The following PDE7B variants were observed in gnomAD, a reference collection of about 807,000 sequenced individuals.
PDE7B encodes the protein 3',5'-cyclic-AMP phosphodiesterase 7B.
A neutral mutation model predicts 56.2 loss-of-function variants in PDE7B; 29 were observed. That is an observed-to-expected ratio of 0.52 (90% CI 0.38 to 0.70). The LOEUF (loss-of-function observed/expected upper bound fraction) is 0.70, where lower values mean the gene tolerates loss of function less well. PDE7B is among the 30% of genes least tolerant of loss of function. PDE7B has a pLI of 0.00. For synonymous variants in PDE7B, 197 were observed against 196.9 expected, an observed-to-expected ratio of 1.00 and a Z score of 0.00; for missense variants, 490 against 565.0, an observed-to-expected ratio of 0.87 and a Z score of 1.35.
Position 136,147,498 on chromosome 6 carries a change from C to T in PDE7B, c.314C>T (p.Ala105Val), listed in dbSNP as rs1405209772. 2 of 1,613,426 alleles carry T rather than the reference C, an allele frequency of 1.2e-6. No individual in the cohort carries two copies. Among genetic ancestry groups the T allele is most frequent in the Admixed American group, 3.3e-5 (2 of 59,950 alleles). ...HLLDEDYLGQ[A>V]RHMLSKVGMW... ...CTGGATGAAGACTACCTTGGACAAG[C>T]AAGGGTAAGCTGACTGCCCCATCTC... Residue 105 changes from alanine (A) to valine (V), a missense_variant, in exon 4 of 13, where the codon GCA becomes GTA. By Grantham distance (64) the Ala-to-Val change is moderately conservative. Transcript: ENST00000308191.
intron 8 of PDE7B, among the ~76,000 whole-genome samples, chr6:136,159,541 T>C (rs910660703): frequency 2.0e-5 from 3 of 152,166 alleles, no homozygotes; most frequent in African/African-American, 4.8e-5. Flanking sequence ...GGCCAAGGTC[T>C]TGTTTAGGGC....
chr6:136,037,541 GC>G (rs1234606219), intron 2 of PDE7B: 9 of 985,280 alleles, frequency 9.1e-6, no homozygotes, highest in South Asian at 4.7e-5. Context: ...TGGGCAAGGT[GC>G]CCCCCAACCC....
intron 3 of PDE7B, among the ~76,000 whole-genome samples, chr6:136,111,870 C>T (rs1777754578): frequency 6.6e-6 from 1 of 152,188 alleles, no homozygotes; most frequent in African/African-American, 2.4e-5. Flanking sequence ...GCACAGACCC[C>T]AAACTTCATT....
chr6:136,084,147 C>G (rs1047869046), intron 2 of PDE7B, among the ~76,000 whole-genome samples: 2 of 152,086 alleles, frequency 1.3e-5, no homozygotes, highest in Non-Finnish European at 2.9e-5. Flanking sequence ...CCCTAACTCT[C>G]CAAATTATTT....
intron 8 of PDE7B, among the ~76,000 whole-genome samples, chr6:136,159,987 G>A (rs1437219143): frequency 1.3e-5 from 2 of 152,162 alleles, no homozygotes; most frequent in Non-Finnish European, 2.9e-5. Context: ...CAAAGGGATT[G>A]TTTTGTTTTT....
rs1177587898 is a variant in PDE7B at position 136,047,664 on chromosome 6, A to G, written c.83-61067A>G. ...ACAAATACTGAACTTCTTATGCTAA[A>G]CAGTAAGCATCAACCAAATAGGTGT... On this transcript the variant is annotated intron_variant, in intron 2 of 12. Coordinates refer to ENST00000308191, the MANE Select transcript of PDE7B (RefSeq NM_018945.4). 2.6e-5 allele frequency among the ~76,000 whole-genome samples: 4 copies of G among 152,248 alleles called. No individual in the cohort carries two copies. In the East Asian group the frequency reaches 7.7e-4, roughly 29 times the overall value.
intron 1 of PDE7B, among the ~76,000 whole-genome samples, chr6:135,856,770 C>T (rs1200140175): frequency 6.6e-6 from 1 of 152,172 alleles, no homozygotes; most frequent in East Asian, 1.9e-4. Context: ...ACACAGACAT[C>T]TATTAAGCAA....
chr6:136,016,689 A>T (rs1458626191), intron 2 of PDE7B, among the ~76,000 whole-genome samples: 1 of 152,058 alleles, frequency 6.6e-6, no homozygotes, highest in Non-Finnish European at 1.5e-5. Flanking sequence ...ACCTCTCCCT[A>T]AGTATGGGGT....
At chr6:135,952,913 A>G (rs186514785) in intron 2 of PDE7B, among the ~76,000 whole-genome samples, 55 of 152,312 alleles carry the variant, frequency 3.6e-4, no homozygotes, top group Admixed American at 1.3e-3. Flanking sequence ...CGATTTAGTT[A>G]TAGCATATCA....
In PDE7B at chr6:135,851,821, G is replaced by A. The variant is rs1036038783; in HGVS notation, c.-178G>A. On this transcript the variant is annotated 5_prime_UTR_variant, in exon 1 of 13. In the 5' UTR this introduces an upstream ATG that the reference lacks. Coordinates refer to ENST00000308191, the MANE Select transcript of PDE7B (RefSeq NM_018945.4). The stretch of plus-strand genomic sequence containing the variant: ...CTTCCTTCTTTCTCGATCTCCTTGT[G>A]TGCTTTTGTGTTTCTTTATTTCTTT... 8.4e-6 allele frequency: 5 copies of A among 592,198 alleles called. No individual in the cohort carries two copies. Among genetic ancestry groups the A allele is most frequent in the East Asian group, 5.6e-5 (2 of 35,846 alleles). 36.7% of individuals were successfully genotyped at this position (592,198 alleles called of 1,614,324 possible). A position where few individuals can be genotyped will look rare whatever the true frequency, so the allele number is the denominator to read the frequency against.
At chr6:135,921,116 G>A (rs1774070942) in intron 1 of PDE7B, among the ~76,000 whole-genome samples, 1 of 152,070 alleles carries the variant, frequency 6.6e-6, no homozygotes, top group South Asian at 2.1e-4. Context: ...CAATATTTTG[G>A]TTTAGTGCCA....
chr6:135,922,149 C>G (rs554506360), intron 1 of PDE7B, among the ~76,000 whole-genome samples: 8 of 152,180 alleles, frequency 5.3e-5, no homozygotes, highest in Non-Finnish European at 1.0e-4. Context: ...CTTTTACCCT[C>G]CTGTAAACTG....
At chr6:135,922,555 A>G (rs926792815) in intron 1 of PDE7B, among the ~76,000 whole-genome samples, 2 of 152,124 alleles carry the variant, frequency 1.3e-5, no homozygotes, top group African/African-American at 4.8e-5. Context: ...GTTAATTACC[A>G]TATTGGAGAG....
chr6:136,008,246 G>A (rs1057493137), intron 2 of PDE7B, among the ~76,000 whole-genome samples: 3 of 152,004 alleles, frequency 2.0e-5, no homozygotes, highest in African/African-American at 7.3e-5. Flanking sequence ...TTGGACATTT[G>A]GGTTGGTTCC....
At chr6:135,913,930 T>C (rs551025773) in intron 1 of PDE7B, among the ~76,000 whole-genome samples, 52 of 152,362 alleles carry the variant, frequency 3.4e-4, no homozygotes, top group Middle Eastern at 3.4e-3. Context: ...GCCACTTTTT[T>C]TCTGTAACCC....
rs1185361648 is a variant in PDE7B at position 136,003,621 on chromosome 6, G to C, written c.82+56097G>C. ...ATCTAGAAGAAATGGATAAATTCCTGGACACATACACCCTCCCAAGACTAA... is the reference window on the plus strand; with the variant it reads ...ATCTAGAAGAAATGGATAAATTCCTCGACACATACACCCTCCCAAGACTAA... On this transcript the variant is annotated intron_variant, in intron 2 of 12. Coordinates refer to ENST00000308191, the MANE Select transcript of PDE7B (RefSeq NM_018945.4). 8.1e-5 allele frequency among the ~76,000 whole-genome samples: 12 copies of C among 148,336 alleles called. No homozygotes were observed. In the East Asian group the frequency reaches 1.2e-3, roughly 15 times the overall value.
intron 3 of PDE7B, among the ~76,000 whole-genome samples, chr6:136,109,192 C>G (rs1163912864): frequency 1.3e-5 from 2 of 152,126 alleles, no homozygotes; most frequent in Non-Finnish European, 2.9e-5. Flanking sequence ...AAAAAATTAG[C>G]TGGGTATGGT....
At chr6:135,938,356 A>T (rs1298948224) in intron 1 of PDE7B, among the ~76,000 whole-genome samples, 1 of 152,242 alleles carries the variant, frequency 6.6e-6, no homozygotes, top group Non-Finnish European at 1.5e-5. Flanking sequence ...TAAGTAAAAG[A>T]TGAAATAGCA....
intron 1 of PDE7B, among the ~76,000 whole-genome samples, chr6:135,940,814 T>C (rs768691224): frequency 2.3e-4 from 35 of 152,138 alleles, no homozygotes; most frequent in Non-Finnish European, 2.4e-4. Context: ...GGAAAAATAA[T>C]CTCTTCTCAT....
Sources: gnomAD v4.1 joint callset for allele counts (sites outside exome capture counted in the v4.1 genomes callset) on GRCh38, gnomAD v4.1.1 for gene constraint, MANE v1.5 for transcripts, NCBI Gene and HGNC (gene_info 2026-07-23, HGNC 2026-07-21) for gene names.